KCNJ6: variants seen among roughly 807,000 people sequenced by gnomAD.
KCNJ6 encodes the protein G protein-activated inward rectifier potassium channel 2.
Under a neutral mutation model 34.2 loss-of-function variants are expected in KCNJ6, and 9 were observed. The observed-to-expected ratio is 0.26, with a 90% CI of 0.16 to 0.46. The LOEUF is 0.46. Ranked by LOEUF, KCNJ6 falls within the 20% of genes least tolerant of loss-of-function variation. The pLI is 1.00. For synonymous variants in KCNJ6, 196 were observed against 207.1 expected, an observed-to-expected ratio of 0.95 and a Z score of 0.46; for missense variants, 236 against 531.3, an observed-to-expected ratio of 0.44 and a Z score of 5.46.
At chr21:37,848,108 A>C (rs1022040259) in intron 1 of KCNJ6, among the ~76,000 whole-genome samples, 2 of 152,152 alleles carry the variant, frequency 1.3e-5, no homozygotes, top group Admixed American at 1.3e-4. Flanking sequence ...GCTGCTCAGG[A>C]GGGAGGCCAG....
intron 2 of KCNJ6, among the ~76,000 whole-genome samples, chr21:37,799,836 TAC>T (rs1330431000): frequency 6.6e-6 from 1 of 152,224 alleles, no homozygotes; most frequent in Non-Finnish European, 1.5e-5. Flanking sequence ...AGAGCACTGT[TAC>T]AATAGATTTG....
At chr21:37,903,619 G>C (rs559752869) in intron 1 of KCNJ6, among the ~76,000 whole-genome samples, 4 of 152,208 alleles carry the variant, frequency 2.6e-5, no homozygotes, top group East Asian at 3.9e-4. Context: ...GAAATGACAT[G>C]GGAAGAAGCC....
At chr21:37,804,412 T>A (rs1037407661) in intron 2 of KCNJ6, among the ~76,000 whole-genome samples, 1 of 152,250 alleles carries the variant, frequency 6.6e-6, no homozygotes, top group African/African-American at 2.4e-5. Flanking sequence ...TATTCTTTTT[T>A]AATTTTTATT....
chr21:37,613,279 T>C lies in KCNJ6; in HGVS notation c.*11880A>G, dbSNP rs1162460517. The C allele has an allele frequency of 6.6e-6, 1 of 152,208 alleles. No homozygotes were observed. Among genetic ancestry groups the C allele is most frequent in the African/African-American group, 2.4e-5 (1 of 41,450 alleles). The allele number at this position is 152,208 out of a possible 1,614,324, so 9.4% of individuals were successfully genotyped here. A position where few individuals can be genotyped will look rare whatever the true frequency, so the allele number is the denominator to read the frequency against. On this transcript the variant is annotated 3_prime_UTR_variant, in exon 4 of 4. Coordinates refer to ENST00000609713, the MANE Select transcript of KCNJ6 (RefSeq NM_002240.5). ...TTAGAATGGCCCAAATGCAGATCAT[T>C]GACAACACTAAATGCTGGTGAAGAT...
chr21:37,886,932 G>GTT (rs548644272), intron 1 of KCNJ6, among the ~76,000 whole-genome samples: 208 of 127,030 alleles, frequency 1.6e-3, no homozygotes, highest in African/African-American at 5.2e-3. Context: ...ATCCAACCTT[G>GTT]TTTTTTTTTT....
intron 2 of KCNJ6, among the ~76,000 whole-genome samples, chr21:37,732,204 C>G (rs955635555): frequency 6.6e-5 from 10 of 152,120 alleles, no homozygotes; most frequent in Non-Finnish European, 1.5e-4. Flanking sequence ...GCGTTGCCCT[C>G]AGAGAGAAGA....
At chr21:37,832,709 TG>T (rs1264420352) in intron 2 of KCNJ6, among the ~76,000 whole-genome samples, 1 of 152,040 alleles carries the variant, frequency 6.6e-6, no homozygotes, top group Non-Finnish European at 1.5e-5. Flanking sequence ...CTGTATCTGG[TG>T]GGGGGCGGGG....
chr21:37,874,646 A>G (rs1025093864), intron 1 of KCNJ6, among the ~76,000 whole-genome samples: 1 of 152,128 alleles, frequency 6.6e-6, no homozygotes, highest in African/African-American at 2.4e-5. Context: ...CCACTCAGCC[A>G]CACCCACGCC....
At chr21:37,725,810 G>T (rs2054851530) in intron 2 of KCNJ6, among the ~76,000 whole-genome samples, 1 of 152,188 alleles carries the variant, frequency 6.6e-6, no homozygotes, top group Admixed American at 6.5e-5. Context: ...ATAATCAATG[G>T]AATACCATGC....
chr21:37,667,675 T>A (rs1479043292), intron 3 of KCNJ6, among the ~76,000 whole-genome samples: 4 of 151,304 alleles, frequency 2.6e-5, no homozygotes, highest in African/African-American at 7.3e-5. Context: ...AGGTCCGGGG[T>A]AGCGGGCTCC....
At chr21:37,908,435 A>G (rs867593621) in intron 1 of KCNJ6, among the ~76,000 whole-genome samples, 6 of 152,350 alleles carry the variant, frequency 3.9e-5, no homozygotes, top group Middle Eastern at 3.4e-3. Context: ...TACAGCATGT[A>G]TCTAGCCTAT....
intron 1 of KCNJ6, among the ~76,000 whole-genome samples, chr21:37,855,631 A>G (rs114943907): frequency 2.0e-5 from 3 of 152,182 alleles, no homozygotes; most frequent in Admixed American, 6.5e-5. Context: ...CAGAAGGCAG[A>G]AGTCAAGAAT....
At chr21:37,625,600 G>A in intron 3 of KCNJ6, 116 bp from the exon 4 acceptor site, 3 of 670,650 alleles carry the variant, frequency 4.5e-6, no homozygotes, top group South Asian at 1.9e-5. Flanking sequence ...ACCTGCATAC[G>A]ATGCCACACT....
chr21:37,774,354 T>TC (rs1021717354), intron 2 of KCNJ6, among the ~76,000 whole-genome samples: 109 of 152,288 alleles, frequency 7.2e-4, no homozygotes, highest in Middle Eastern at 3.4e-3. Flanking sequence ...GGCTATTCTT[T>TC]TTTTTTTATT....
Position 37,824,873 on chromosome 21 carries a change from T to C in KCNJ6, c.25+15785A>G, listed in dbSNP as rs946474713. 2.0e-5 allele frequency among the ~76,000 whole-genome samples: 3 copies of C among 152,194 alleles called. No individual in the cohort carries two copies. The South Asian group carries it at 6.2e-4, about 32-fold the overall frequency. ...TATAGCAGTGTGAGAACGGGGAGGA[T>C]CCTTTCTAAGGATTCTCCCTAATAC... On this transcript the variant is annotated intron_variant, in intron 2 of 3. Coordinates refer to ENST00000609713, the MANE Select transcript of KCNJ6 (RefSeq NM_002240.5).
chr21:37,777,689 C>T (rs1430854723), intron 2 of KCNJ6, among the ~76,000 whole-genome samples: 1 of 152,120 alleles, frequency 6.6e-6, no homozygotes, highest in Non-Finnish European at 1.5e-5. Flanking sequence ...GAGTTATTGG[C>T]CAACATATCA....
At chr21:37,657,151 G>A (rs565280780) in intron 3 of KCNJ6, among the ~76,000 whole-genome samples, 16 of 152,196 alleles carry the variant, frequency 1.1e-4, no homozygotes, top group East Asian at 3.9e-4. Flanking sequence ...ACCCCCAGCC[G>A]GTCCCCAGGT....
At chr21:37,762,424 C>T (rs1054401932) in intron 2 of KCNJ6, among the ~76,000 whole-genome samples, 7 of 152,162 alleles carry the variant, frequency 4.6e-5, no homozygotes, top group African/African-American at 9.7e-5. Context: ...TTAAAAACCA[C>T]GTGGTCCACA....
chr21:37,690,807 T>A (rs2054636324), intron 3 of KCNJ6, among the ~76,000 whole-genome samples: 1 of 148,210 alleles, frequency 6.7e-6, no homozygotes, highest in African/African-American at 2.5e-5. Flanking sequence ...TGAGATAGAG[T>A]CTTGCTCTGT....
Sources: gnomAD v4.1 joint callset for allele counts (sites outside exome capture counted in the v4.1 genomes callset) on GRCh38, gnomAD v4.1.1 for gene constraint, MANE v1.5 for transcripts, NCBI Gene and HGNC (gene_info 2026-07-23, HGNC 2026-07-21) for gene names.